LRP1B: variants seen among roughly 807,000 people sequenced by gnomAD.
LRP1B encodes low-density lipoprotein receptor-related protein 1B.
Under a neutral mutation model 556.6 loss-of-function variants are expected in LRP1B, and 217 were observed. The ratio of observed to expected loss-of-function variants is 0.39; its 90% confidence interval spans 0.35 to 0.44. The LOEUF is 0.44. Among genes scored for constraint, LRP1B ranks in the 20% least tolerant of loss-of-function variants. The pLI, the probability that LRP1B is intolerant of heterozygous loss-of-function variation, is 1.00. For missense variants in LRP1B, 5,053 were observed against 5,620.8 expected, an observed-to-expected ratio of 0.90 and a Z score of 3.23; for synonymous variants, 2,047 against 1,865.8, an observed-to-expected ratio of 1.10 and a Z score of -2.50.
intron 2 of LRP1B, among the ~76,000 whole-genome samples, chr2:141,566,223 AC>A (rs1280235803): frequency 3.3e-5 from 5 of 152,130 alleles, no homozygotes; most frequent in African/African-American, 1.2e-4. Context: ...TGCAGAAACA[AC>A]AACAAAAAAG....
intron 1 of LRP1B, among the ~76,000 whole-genome samples, chr2:142,010,554 CAAAAAAA>C (rs33927334): frequency 1.2e-4 from 7 of 60,240 alleles, no homozygotes; most frequent in Admixed American, 2.3e-4. Flanking sequence ...GATTCTGTCT[CAAAAAAA>C]AAAAAAAAAA....
At chr2:141,147,350 T>C (rs1701810776) in intron 7 of LRP1B, among the ~76,000 whole-genome samples, 1 of 152,194 alleles carries the variant, frequency 6.6e-6, no homozygotes, top group Non-Finnish European at 1.5e-5. Flanking sequence ...AGGACCCTGA[T>C]ACAAGAGCTG....
At chr2:140,657,656 CAT>C (rs1487642031) in intron 41 of LRP1B, among the ~76,000 whole-genome samples, 4 of 141,062 alleles carry the variant, frequency 2.8e-5, no homozygotes, top group South Asian at 2.2e-4. Context: ...TATATACATA[CAT>C]ATATATACAT....
intron 1 of LRP1B, among the ~76,000 whole-genome samples, chr2:141,882,534 T>A (rs975761699): frequency 6.6e-6 from 1 of 152,052 alleles, no homozygotes; most frequent in Non-Finnish European, 1.5e-5. Flanking sequence ...ATAAACTAAG[T>A]TTTTAAATGT....
At chr2:141,575,178 G>T (rs544487673) in intron 2 of LRP1B, among the ~76,000 whole-genome samples, 1 of 152,086 alleles carries the variant, frequency 6.6e-6, no homozygotes, top group Non-Finnish European at 1.5e-5. Flanking sequence ...AAAGAACAAA[G>T]TTGGAAGCAT....
chr2:141,537,622 T>C (rs1337367947), intron 2 of LRP1B, among the ~76,000 whole-genome samples: 1 of 152,164 alleles, frequency 6.6e-6, no homozygotes, highest in African/African-American at 2.4e-5. Flanking sequence ...AAAGTATAAA[T>C]ATGTATTGCC....
chr2:141,085,093 T>G lies in LRP1B; in HGVS notation c.1014-22820A>C, dbSNP rs181042161. On this transcript the variant is annotated intron_variant, in intron 7 of 90. Transcript: ENST00000389484. ...CTAGACTCACCAATTGTTAAAATGT[T>G]GCCCTAAGAGAGAAGGTAGGGAGAG... is the stretch of plus-strand genomic sequence containing the variant. Among the ~76,000 whole-genome samples the G allele has an allele frequency of 1.5e-4, 20 of 133,520 alleles. 1 individual carries two copies. The highest frequency in any genetic ancestry group is 5.6e-4 in the African/African-American group (20 of 35,896). The allele number at this position is 133,520 out of a possible 152,430, so 87.6% of individuals were successfully genotyped here.
chr2:140,981,003 A>T (rs1696752211), intron 18 of LRP1B, among the ~76,000 whole-genome samples: 1 of 152,110 alleles, frequency 6.6e-6, no homozygotes, highest in South Asian at 2.1e-4. Context: ...TGGAAAACCA[A>T]ATATTGTTTT....
At chr2:140,871,869 G>A (rs1693140033) in intron 25 of LRP1B, among the ~76,000 whole-genome samples, 1 of 151,990 alleles carries the variant, frequency 6.6e-6, no homozygotes, top group Non-Finnish European at 1.5e-5. Flanking sequence ...TTCTGAAATA[G>A]CAGCAATTTA....
At chr2:140,365,879 C>T (rs1445107661) in intron 71 of LRP1B, among the ~76,000 whole-genome samples, 4 of 151,606 alleles carry the variant, frequency 2.6e-5, no homozygotes, top group African/African-American at 4.8e-5. Context: ...CAGTGGTCAT[C>T]CTTAAAAGCC....
rs533410121 is a variant in LRP1B, at chr2:141,737,070, C to T, written c.205+73209G>A. Among the ~76,000 whole-genome samples the T allele has an allele frequency of 6.6e-5, 10 of 152,100 alleles. No individual in the cohort carries two copies. In the South Asian group the frequency reaches 1.9e-3, roughly 28 times the overall value. On this transcript the variant is annotated intron_variant, in intron 2 of 90. Transcript: ENST00000389484. ...GGTAGACTTTTCTAAATGTGGAAGT[C>T]GGGCCAGGCACGGTGGTTCACACCT...
At chr2:141,339,204 TG>T (rs1231797528) in intron 3 of LRP1B, among the ~76,000 whole-genome samples, 1 of 104,608 alleles carries the variant, frequency 9.6e-6, no homozygotes, top group Non-Finnish European at 2.1e-5. Context: ...CTACATTTTA[TG>T]TCTATAAATT....
chr2:140,953,730 T>C (rs775705875), intron 18 of LRP1B, among the ~76,000 whole-genome samples: 2 of 152,196 alleles, frequency 1.3e-5, no homozygotes, highest in Non-Finnish European at 2.9e-5. Context: ...AACAAAAATA[T>C]ATTTCTCTGC....
chr2:140,247,327 G>A (rs1209844884), intron 86 of LRP1B, among the ~76,000 whole-genome samples, 165 bp from the exon 87 acceptor site: 1 of 151,550 alleles, frequency 6.6e-6, no homozygotes, highest in Admixed American at 6.6e-5. Context: ...TTGTTAGTAT[G>A]CTGAGTGTAA....
chr2:141,952,602 A>G (rs1701136989), intron 1 of LRP1B, among the ~76,000 whole-genome samples: 1 of 152,138 alleles, frequency 6.6e-6, no homozygotes, highest in Admixed American at 6.5e-5. Context: ...GCTTTAGGAG[A>G]CACACATTGA....
chr2:141,570,119 T>C (rs1574089150), intron 2 of LRP1B, among the ~76,000 whole-genome samples: 2 of 145,840 alleles, frequency 1.4e-5, no homozygotes, highest in East Asian at 4.0e-4. Context: ...AGCAGAGGCA[T>C]TTGGAGGCTC....
intron 41 of LRP1B, among the ~76,000 whole-genome samples, chr2:140,626,574 A>G (rs540425351): frequency 2.6e-5 from 4 of 152,180 alleles, no homozygotes; most frequent in South Asian, 2.1e-4. Context: ...AACATCAAAC[A>G]ATGTAGTGGA....
At chr2:141,524,312 C>T (rs1269104671) in intron 2 of LRP1B, among the ~76,000 whole-genome samples, 1 of 150,598 alleles carries the variant, frequency 6.6e-6, no homozygotes, top group Non-Finnish European at 1.5e-5. Context: ...GTTATGTTGC[C>T]TTTCTTAAGT....
chr2:140,930,062 G>A (rs1475229246), intron 20 of LRP1B, among the ~76,000 whole-genome samples: 1 of 152,026 alleles, frequency 6.6e-6, no homozygotes, highest in African/African-American at 2.4e-5. Flanking sequence ...ATTCCAGCTT[G>A]AGTTCCAAGC....
Sources: allele counts gnomAD v4.1 joint callset (sites outside exome capture counted in the v4.1 genomes callset), GRCh38; gene constraint gnomAD v4.1.1; transcripts MANE v1.5; gene names NCBI Gene and HGNC (gene_info 2026-07-23, HGNC 2026-07-21).